ARHGEF7: variants seen among roughly 807,000 people sequenced by gnomAD.
The protein encoded by ARHGEF7 is Rho guanine nucleotide exchange factor 7.
In ARHGEF7, 33 loss-of-function variants were observed where a neutral mutation model predicts 109.8. The ratio of observed to expected loss-of-function variants is 0.30; its 90% confidence interval spans 0.23 to 0.40. ARHGEF7 has a LOEUF of 0.40. Ranked by LOEUF, ARHGEF7 falls within the 10% of genes least tolerant of loss-of-function variation. The probability of loss-of-function intolerance (pLI) is 1.00; values close to 1 mark genes in which losing one functional copy is unlikely to be tolerated. For synonymous variants in ARHGEF7, 458 were observed against 424.6 expected (o/e 1.08, Z -0.97); for missense variants, 938 against 1,098.5 (o/e 0.85, Z 2.07).
At chr13:111,128,913 AG>A (rs1447232525) in intron 1 of ARHGEF7, among the ~76,000 whole-genome samples, 1 of 152,250 alleles carries the variant, frequency 6.6e-6, no homozygotes, top group Admixed American at 6.5e-5. Flanking sequence ...CAAAGGGCCT[AG>A]AAACAACTTT....
rs563443635 is a variant in ARHGEF7, at chr13:111,139,490, C to T, written c.166-14415C>T. On this transcript the variant is annotated intron_variant, in intron 1 of 21. Transcript: ENST00000646102. Reference sequence around the variant, plus strand: ...AGGAGGCCTCCAGAGCGTGTTTTGTCCCCCTTGGTTGAAGAATGAAAGCCA... The same window carrying T: ...AGGAGGCCTCCAGAGCGTGTTTTGTTCCCCTTGGTTGAAGAATGAAAGCCA... Among the ~76,000 whole-genome samples, 3 of 152,344 alleles carry T rather than the reference C, an allele frequency of 2.0e-5. No homozygotes were observed. In the East Asian group the frequency reaches 5.8e-4, roughly 29 times the overall value.
intron 6 of ARHGEF7, among the ~76,000 whole-genome samples, 157 bp from the exon 7 acceptor site, chr13:111,243,715 A>G (rs529410061): frequency 1.3e-5 from 2 of 152,402 alleles, no homozygotes; most frequent in African/African-American, 4.8e-5. Context: ...TTAACAGTCA[A>G]TAATTGCAAA....
intron 8 of ARHGEF7, among the ~76,000 whole-genome samples, chr13:111,265,055 C>T (rs796346502): frequency 4.5e-5 from 6 of 133,102 alleles, no homozygotes; most frequent in African/African-American, 1.5e-4. Context: ...ACCGGGAAGG[C>T]GGAGGTTGCA....
intron 9 of ARHGEF7, among the ~76,000 whole-genome samples, chr13:111,268,355 C>CAAAA (rs1390742080): frequency 6.6e-6 from 1 of 151,892 alleles, no homozygotes; most frequent in Middle Eastern, 3.2e-3. Flanking sequence ...TAATGTTTTA[C>CAAAA]AAAAAATTAA....
Position 111,209,893 on chromosome 13 carries a change from CCG to C in ARHGEF7, c.360_361del (p.Ala123ProfsTer11). On this transcript the variant is annotated frameshift_variant, in exon 4 of 22. Transcript: ENST00000646102. LOFTEE classifies it high-confidence loss of function. ...GCAGACATCGGGCTGGGGAGTGACT[CCG>C]TGTGTGCCCGGCCCTCGTCTCACCG... 6.2e-7 allele frequency: 1 copy of C among 1,614,138 alleles called. No individual in the cohort carries two copies. Among genetic ancestry groups the C allele is most frequent in the Non-Finnish European group, 8.5e-7 (1 of 1,180,028 alleles).
At chr13:111,223,841 C>T (rs991600229) in intron 5 of ARHGEF7, among the ~76,000 whole-genome samples, 1 of 151,110 alleles carries the variant, frequency 6.6e-6, no homozygotes, top group African/African-American at 2.4e-5. Flanking sequence ...TAGGTAAAAC[C>T]CATGGATTTC....
intron 19 of ARHGEF7, among the ~76,000 whole-genome samples, chr13:111,296,295 T>G (rs1476447822): frequency 6.6e-6 from 1 of 152,196 alleles, no homozygotes; most frequent in Non-Finnish European, 1.5e-5. Flanking sequence ...AATGTTAAGT[T>G]TTGTGCTCAT....
intron 1 of ARHGEF7, among the ~76,000 whole-genome samples, chr13:111,137,450 A>G (rs1411062686): frequency 6.6e-6 from 1 of 152,258 alleles, no homozygotes; most frequent in African/African-American, 2.4e-5. Context: ...TGCGTGGCAC[A>G]GGCTGCTCAC....
At chr13:111,293,659 T>G (rs1199722569) in intron 19 of ARHGEF7, 2 of 985,300 alleles carry the variant, frequency 2.0e-6, no homozygotes, top group Non-Finnish European at 1.2e-6. Context: ...GGTTGTGTTT[T>G]AAGTATTCAT....
At position 111,204,925 on chromosome 13, in the gene ARHGEF7, C is replaced by T. The variant is rs548507325; in HGVS notation, c.253-364C>T. On this transcript the variant is annotated intron_variant, in intron 2 of 21. Coordinates refer to ENST00000646102, the MANE Select transcript of ARHGEF7 (RefSeq NM_001354046.2). The stretch of plus-strand genomic sequence containing the variant: ...CATCTGTAGCACGCCTTGCCTGGGG[C>T]CTCTGTGTTAATCTAAGGAGAGGAG... 5.3e-5 allele frequency among the ~76,000 whole-genome samples: 8 copies of T among 152,326 alleles called. No homozygotes were observed. The South Asian group carries it at 1.5e-3, about 28-fold the overall frequency.
intron 8 of ARHGEF7, among the ~76,000 whole-genome samples, chr13:111,253,929 C>T (rs1183011775): frequency 2.0e-5 from 3 of 152,232 alleles, no homozygotes; most frequent in South Asian, 2.1e-4. Context: ...CATGGGACGC[C>T]TTTTCCTCAT....
chr13:111,136,780 C>A (rs1347005706), intron 1 of ARHGEF7, among the ~76,000 whole-genome samples: 1 of 152,066 alleles, frequency 6.6e-6, no homozygotes, highest in African/African-American at 2.4e-5. Flanking sequence ...CACAAAAAAC[C>A]CTTCAAAAAA....
At position 111,233,339 on chromosome 13, in the gene ARHGEF7, C is replaced by G. The variant is rs190518289; in HGVS notation, c.759+46C>G. On this transcript the variant is annotated intron_variant, in intron 6 of 21. Transcript: ENST00000646102. ...TTTAAACTAACTGGTTTTTGACTGC[C>G]TGTAAAACTCAGCAATGTAGAATGT... The G allele has an allele frequency of 3.4e-6, 5 of 1,453,728 alleles. No individual in the cohort carries two copies. In the Admixed American group the frequency reaches 8.4e-5, roughly 24 times the overall value. The allele number at this position is 1,453,728 out of a possible 1,614,324, so 90.1% of individuals were successfully genotyped here.
intron 2 of ARHGEF7, among the ~76,000 whole-genome samples, chr13:111,164,258 C>G (rs907006066): frequency 3.3e-5 from 5 of 152,196 alleles, no homozygotes; most frequent in African/African-American, 4.8e-5. Context: ...GTCACAGGTC[C>G]CGGCTCAGCC....
intron 16 of ARHGEF7, among the ~76,000 whole-genome samples, chr13:111,285,116 T>C (rs2092963598): frequency 6.6e-6 from 1 of 152,208 alleles, no homozygotes; most frequent in African/African-American, 2.4e-5. Flanking sequence ...GGGTACCTAT[T>C]ACCCAAATAG....
chr13:111,225,069 A>G (rs1365651684), intron 5 of ARHGEF7, among the ~76,000 whole-genome samples: 1 of 152,104 alleles, frequency 6.6e-6, no homozygotes, highest in African/African-American at 2.4e-5. Context: ...CTGGCGTGTG[A>G]AAGTGAATAT....
chr13:111,173,596 C>T (rs1485647010), intron 2 of ARHGEF7, among the ~76,000 whole-genome samples: 1 of 152,230 alleles, frequency 6.6e-6, no homozygotes, highest in African/African-American at 2.4e-5. Context: ...TGTGAAATTT[C>T]ATCCACGGAT....
intron 2 of ARHGEF7, chr13:111,159,044 C>T: frequency 1.4e-6 from 1 of 718,542 alleles, no homozygotes; most frequent in Non-Finnish European, 2.6e-6. Context: ...TTCCTCCTTC[C>T]CAGCCTCCTC....
chr13:111,140,417 T>C (rs1270054281), intron 1 of ARHGEF7, among the ~76,000 whole-genome samples: 1 of 152,184 alleles, frequency 6.6e-6, no homozygotes, highest in Non-Finnish European at 1.5e-5. Context: ...GAGGTGTTAC[T>C]GAGAAGTGAC....
Sources: allele counts gnomAD v4.1 joint callset (sites outside exome capture counted in the v4.1 genomes callset), GRCh38; gene constraint gnomAD v4.1.1; transcripts MANE v1.5; gene names NCBI Gene and HGNC (gene_info 2026-07-23, HGNC 2026-07-21).